SPTBN1: variants seen among roughly 807,000 people sequenced by gnomAD.
The protein encoded by SPTBN1 is spectrin beta chain, non-erythrocytic 1.
SPTBN1 carries 32 observed loss-of-function variants against 266.4 expected under a neutral mutation model. The observed-to-expected ratio is 0.12, with a 90% CI of 0.09 to 0.16. The LOEUF (loss-of-function observed/expected upper bound fraction) is 0.16, where lower values mean the gene tolerates loss of function less well. Among genes scored for constraint, SPTBN1 ranks in the 10% least tolerant of loss-of-function variants. The probability of loss-of-function intolerance (pLI) is 1.00; values close to 1 mark genes in which losing one functional copy is unlikely to be tolerated. For missense variants in SPTBN1, 2,296 were observed against 3,067.1 expected (o/e 0.75, Z 5.94); for synonymous variants, 1,336 against 1,162.2 (o/e 1.15, Z -3.04).
At chr2:54,462,553 A>G (rs1468444888) in intron 1 of SPTBN1, among the ~76,000 whole-genome samples, 6 of 152,188 alleles carry the variant, frequency 3.9e-5, no homozygotes, top group African/African-American at 1.2e-4. Context: ...TATTTAATGA[A>G]TAATTATTGG....
intron 1 of SPTBN1, among the ~76,000 whole-genome samples, chr2:54,516,617 T>C (rs1216879346): frequency 6.6e-6 from 1 of 152,190 alleles, no homozygotes; most frequent in Non-Finnish European, 1.5e-5. Context: ...GGATTATGCT[T>C]GCCGACTAAG....
chr2:54,522,697 G>GAGAGAGAGAGAAAGAGAAAGAAAGAA lies in SPTBN1; in HGVS notation c.-47-3672_-47-3671insGAGAGAGAAAGAGAAAGAAAGAAAGA, dbSNP rs1553439438. ...GAGAGAGGAGAGAGAGAGAGAGAGAGAGAAAGAAAGAAAGGAAAGAAAGAA... is the reference window on the plus strand; with the variant it reads ...GAGAGAGGAGAGAGAGAGAGAGAGAGAGAGAGAGAGAAAGAGAAAGAAAGAAAGAAAGAAAGAAAGGAAAGAAAGAA... On this transcript the variant is annotated intron_variant, in intron 1 of 35. Transcript: ENST00000356805. Among the ~76,000 whole-genome samples the GAGAGAGAGAGAAAGAGAAAGAAAGAA allele has an allele frequency of 4.3e-3, 420 of 97,070 alleles. 5 individuals are homozygous for GAGAGAGAGAGAAAGAGAAAGAAAGAA. The highest frequency in any genetic ancestry group is 0.016 in the African/African-American group (390 of 23,962). The allele number at this position is 97,070 out of a possible 152,430, so 63.7% of individuals were successfully genotyped here.
chr2:54,660,348 T>G (rs1450755425), intron 32 of SPTBN1: 2 of 1,226,944 alleles, frequency 1.6e-6, no homozygotes, highest in Admixed American at 7.8e-5. Context: ...ACATGAGTAA[T>G]TGAAATGAAA....
Position 54,558,072 on chromosome 2 carries a change from A to T in SPTBN1, c.148+31506A>T. ...GTGGGCGCGCTAGCCTTTTCAAGTG[A>T]TAGTAATCGGAGACTTTTCCGTTAC... On this transcript the variant is annotated intron_variant, in intron 2 of 35. Transcript: ENST00000356805. This position sits in a 1 kb window ranked among gnomAD's most constrained non-coding sequence, Gnocchi z 4.6. The T allele has an allele frequency of 1.0e-6, 1 of 985,392 alleles. No homozygotes were observed. The highest frequency in any genetic ancestry group is 1.2e-6 in the Non-Finnish European group (1 of 829,906). The allele number at this position is 985,392 out of a possible 1,614,324, so 61.0% of individuals were successfully genotyped here. A position where few individuals can be genotyped will look rare whatever the true frequency, so the allele number is the denominator to read the frequency against.
At chr2:54,487,847 T>TTTTTTTTTTTG in intron 1 of SPTBN1, among the ~76,000 whole-genome samples, 1 of 138,186 alleles carries the variant, frequency 7.2e-6, no homozygotes, top group Admixed American at 7.4e-5. Flanking sequence ...TTTTTTTTTT[T>TTTTTTTTTTTG]GAGACGGAGT....
At chr2:54,623,230 C>T (rs941954386) in intron 9 of SPTBN1, among the ~76,000 whole-genome samples, 1 of 152,080 alleles carries the variant, frequency 6.6e-6, no homozygotes, top group Non-Finnish European at 1.5e-5. Flanking sequence ...GGGTTTAAAC[C>T]TTGATTTAAG....
intron 19 of SPTBN1, among the ~76,000 whole-genome samples, 183 bp from the exon 20 acceptor site, chr2:54,644,140 T>A (rs2271322): frequency 0.7 from 106,183 of 152,018 alleles, 37,360 homozygotes; most frequent in Non-Finnish European, 0.72. Context: ...CATGAAACCC[T>A]TGTAATGTAC....
intron 2 of SPTBN1, chr2:54,546,383 A>AT (rs1167990350): frequency 6.6e-6 from 1 of 152,164 alleles, no homozygotes; most frequent in Non-Finnish European, 1.5e-5. Context: ...AACTTGTCTG[A>AT]TATCTGTTAA....
At chr2:54,557,787 G>A (rs1672973327) in intron 2 of SPTBN1, 1 of 985,268 alleles carries the variant, frequency 1.0e-6, no homozygotes, top group African/African-American at 1.7e-5. Context: ...ATCCCCTGAT[G>A]GCAGCGTAAG....
rs144979793 is a variant in SPTBN1, at chr2:54,626,346, A to G, written c.1644+112A>G. 9.2e-6 allele frequency: 12 copies of G among 1,308,366 alleles called. No homozygotes were observed. The African/African-American group carries it at 1.6e-4, about 18-fold the overall frequency. 81.0% of individuals were successfully genotyped at this position (1,308,366 alleles called of 1,614,324 possible). A position where few individuals can be genotyped will look rare whatever the true frequency, so the allele number is the denominator to read the frequency against. On this transcript the variant is annotated intron_variant, in intron 12 of 35. Transcript: ENST00000356805. The surrounding 1 kb of genome is among the most constrained non-coding windows in gnomAD (Gnocchi z 4.7). ...AGCTGTGTGCCTTGTCTAACTGCCC[A>G]CATGTACAGCTAGAGAGGAGCCACA...
chr2:54,660,671 G>A (rs571966818), intron 32 of SPTBN1: 3 of 985,448 alleles, frequency 3.0e-6, no homozygotes, highest in Non-Finnish European at 3.6e-6. Flanking sequence ...CATACATTTT[G>A]AGACCCTTGG....
chr2:54,508,778 C>T (rs1194115428), intron 1 of SPTBN1, among the ~76,000 whole-genome samples: 2 of 152,098 alleles, frequency 1.3e-5, no homozygotes, highest in Admixed American at 6.6e-5. Context: ...TCAGCATAGG[C>T]GTTGTCCAGA....
chr2:54,620,103 G>T (rs897056322), intron 7 of SPTBN1, among the ~76,000 whole-genome samples: 2 of 152,168 alleles, frequency 1.3e-5, no homozygotes, highest in African/African-American at 4.8e-5. Flanking sequence ...CCTTCTCTCA[G>T]TACCTATTTA....
At chr2:54,524,896 G>A (rs367850237) in intron 1 of SPTBN1, among the ~76,000 whole-genome samples, 149 of 152,150 alleles carry the variant, frequency 9.8e-4, no homozygotes, top group East Asian at 7.7e-4. Context: ...GGACCCACTC[G>A]AGAGGCCTTC....
intron 2 of SPTBN1, among the ~76,000 whole-genome samples, chr2:54,569,981 C>CT (rs1553449162): frequency 6.8e-6 from 1 of 147,926 alleles, no homozygotes; most frequent in Admixed American, 6.7e-5. Context: ...TCCCCCCCCC[C>CT]TTTAGAAAGA....
At chr2:54,604,938 T>C (rs1676737827) in intron 3 of SPTBN1, among the ~76,000 whole-genome samples, 1 of 152,176 alleles carries the variant, frequency 6.6e-6, no homozygotes. Context: ...TATCGACCCT[T>C]GGCCCCACGT....
chr2:54,497,326 G>T (rs111351650), intron 1 of SPTBN1, among the ~76,000 whole-genome samples: 1 of 151,952 alleles, frequency 6.6e-6, no homozygotes, highest in Non-Finnish European at 1.5e-5. Context: ...TTTATAACTG[G>T]AACATTTAGC....
chr2:54,630,764 A>G (rs1195942449), intron 15 of SPTBN1, 91 bp from the exon 16 acceptor site: 1 of 1,408,808 alleles, frequency 7.1e-7, no homozygotes, highest in South Asian at 1.7e-5. Flanking sequence ...GAAAACAGAT[A>G]AGCAGCATTA....
chr2:54,546,265 A>G (rs1242328999), intron 2 of SPTBN1, among the ~76,000 whole-genome samples: 1 of 152,212 alleles, frequency 6.6e-6, no homozygotes, highest in Non-Finnish European at 1.5e-5. Flanking sequence ...CAAACTATGT[A>G]TGTACCCACA....
Sources: gnomAD v4.1 joint callset for allele counts (sites outside exome capture counted in the v4.1 genomes callset) on GRCh38, gnomAD v4.1.1 for gene constraint, Gnocchi (gnomAD v3.1) non-coding constraint, MANE v1.5 for transcripts, NCBI Gene and HGNC (gene_info 2026-07-23, HGNC 2026-07-21) for gene names.